Variants in FAM174A observed in about 807,000 individuals in gnomAD.
FAM174A encodes the protein family with sequence similarity 174 member A.
In FAM174A, 14 loss-of-function variants were observed where a neutral mutation model predicts 14.3. The observed-to-expected ratio is 0.98, with a 90% confidence interval of 0.65 to 1.53. FAM174A has a LOEUF of 1.53. Ranked by LOEUF, FAM174A falls within the 40% of genes most tolerant of loss-of-function variation. The pLI, the probability that FAM174A is intolerant of heterozygous loss-of-function variation, is 0.00. For synonymous variants in FAM174A, 108 were observed against 111.4 expected (o/e 0.97, Z 0.19); for missense variants, 241 against 249.6 (o/e 0.97, Z 0.23).
rs1746656980 is a variant in FAM174A at position 100,566,601 on chromosome 5, A to G, written c.569+4413A>G. Among the ~76,000 whole-genome samples the G allele has an allele frequency of 2.6e-5, 4 of 152,020 alleles. No individual in the cohort carries two copies. In the South Asian group the frequency reaches 8.3e-4, roughly 31 times the overall value. On this transcript the variant is annotated intron_variant, in intron 2 of 2. Coordinates refer to ENST00000312637, the MANE Select transcript of FAM174A (RefSeq NM_198507.3). ...TAGATGTTAAGTGTTCTTGATACAC[A>G]CAAAAATATGTTAATCTCAAGAGGT...
At chr5:100,576,995 G>A (rs1002358331) in intron 2 of FAM174A, among the ~76,000 whole-genome samples, 1 of 152,122 alleles carries the variant, frequency 6.6e-6, no homozygotes, top group Admixed American at 6.6e-5. Flanking sequence ...GCAAAATGGA[G>A]ACAAATTCTC....
At chr5:100,552,887 A>G (rs1267843548) in intron 1 of FAM174A, among the ~76,000 whole-genome samples, 1 of 152,126 alleles carries the variant, frequency 6.6e-6, no homozygotes, top group Non-Finnish European at 1.5e-5. Flanking sequence ...ATATAATTCT[A>G]TATGAATAAC....
chr5:100,544,558 G>C (rs529353389), intron 1 of FAM174A, among the ~76,000 whole-genome samples: 1 of 152,316 alleles, frequency 6.6e-6, no homozygotes, highest in East Asian at 1.9e-4. Context: ...GATTAAAAAT[G>C]TGAGGTAGCT....
At chr5:100,541,063 A>T (rs1026475217) in intron 1 of FAM174A, among the ~76,000 whole-genome samples, 1 of 152,214 alleles carries the variant, frequency 6.6e-6, no homozygotes, top group African/African-American at 2.4e-5. Flanking sequence ...TGGACTATGT[A>T]AAGTAGTTTG....
At position 100,552,301 on chromosome 5, in the gene FAM174A, GA is replaced by G. The variant is rs565370431; in HGVS notation, c.435-9746del. On this transcript the variant is annotated intron_variant, in intron 1 of 2. Coordinates refer to ENST00000312637, the MANE Select transcript of FAM174A (RefSeq NM_198507.3). ...TTTACTTTTTTCTAAGAATAGTCAA[GA>G]AAAAAATTTTATTTTAGTTATAGAT... Among the ~76,000 whole-genome samples the G allele has an allele frequency of 2.2e-3, 337 of 152,090 alleles. 1 individual carries two copies. The highest frequency in any genetic ancestry group is 7.6e-3 in the African/African-American group (315 of 41,526).
At chr5:100,541,360 C>T (rs1746047041) in intron 1 of FAM174A, among the ~76,000 whole-genome samples, 1 of 152,146 alleles carries the variant, frequency 6.6e-6, no homozygotes, top group South Asian at 2.1e-4. Flanking sequence ...CATAACATAA[C>T]AAAAACTATT....
intron 1 of FAM174A, among the ~76,000 whole-genome samples, chr5:100,559,648 T>G (rs895500973): frequency 2.0e-5 from 3 of 152,116 alleles, no homozygotes; most frequent in African/African-American, 7.2e-5. Flanking sequence ...TGTTCGTTTC[T>G]TTTTATTCTT....
chr5:100,566,030 C>T (rs995480163), intron 2 of FAM174A, among the ~76,000 whole-genome samples: 23 of 150,596 alleles, frequency 1.5e-4, no homozygotes, highest in African/African-American at 5.6e-4. Flanking sequence ...AATTACCTCC[C>T]ACCAGGTTCC....
intron 1 of FAM174A, among the ~76,000 whole-genome samples, chr5:100,544,668 G>A (rs867038193): frequency 2.0e-5 from 3 of 152,072 alleles, no homozygotes; most frequent in African/African-American, 4.8e-5. Flanking sequence ...GTGCAGAGAA[G>A]TCAGTTTTTT....
chr5:100,563,274 C>T (rs969596476), intron 2 of FAM174A, among the ~76,000 whole-genome samples: 6 of 151,342 alleles, frequency 4.0e-5, no homozygotes, highest in Non-Finnish European at 7.4e-5. Context: ...CAATTAAAGA[C>T]GCATATAAGA....
At chr5:100,554,228 A>T (rs1746317616) in intron 1 of FAM174A, among the ~76,000 whole-genome samples, 1 of 152,114 alleles carries the variant, frequency 6.6e-6, no homozygotes, top group Non-Finnish European at 1.5e-5. Context: ...ACTTTTTAAA[A>T]TCAAACAATT....
chr5:100,568,643 T>C (rs746142023), intron 2 of FAM174A, among the ~76,000 whole-genome samples: 5 of 149,816 alleles, frequency 3.3e-5, no homozygotes, highest in Admixed American at 6.7e-5. Flanking sequence ...TTCAATACTT[T>C]TACTAATTGG....
chr5:100,562,547 A>C (rs920468910), intron 2 of FAM174A, among the ~76,000 whole-genome samples: 8 of 151,234 alleles, frequency 5.3e-5, no homozygotes, highest in African/African-American at 1.9e-4. Context: ...GGACCCATTA[A>C]CTTCTTCATT....
At chr5:100,559,763 G>T (rs541744338) in intron 1 of FAM174A, among the ~76,000 whole-genome samples, 3 of 151,990 alleles carry the variant, frequency 2.0e-5, no homozygotes, top group African/African-American at 7.2e-5. Context: ...TTGTGCATTC[G>T]TCATGTAGTT....
intron 2 of FAM174A, among the ~76,000 whole-genome samples, chr5:100,570,328 C>T (rs1561321640): frequency 6.6e-6 from 1 of 151,854 alleles, no homozygotes; most frequent in Non-Finnish European, 1.5e-5. Context: ...CTTTTTAATT[C>T]AATGGGCAGA....
intron 1 of FAM174A, among the ~76,000 whole-genome samples, chr5:100,558,935 A>C (rs553534585): frequency 6.6e-6 from 1 of 152,168 alleles, no homozygotes; most frequent in East Asian, 1.9e-4. Flanking sequence ...TAGCCCATTT[A>C]CATTTAAGGT....
rs539858247 is a variant in FAM174A, at chr5:100,545,177, A to T, written c.434+9213A>T. On this transcript the variant is annotated intron_variant, in intron 1 of 2. Coordinates refer to ENST00000312637, the MANE Select transcript of FAM174A (RefSeq NM_198507.3). ...TTTATCTTTGGTGAAGACTACATTT[A>T]AAAAATTACTTAGGTTTGATCTTTT... Among the ~76,000 whole-genome samples the T allele has an allele frequency of 2.0e-5, 3 of 152,332 alleles. 1 individual carries two copies. The highest frequency in any genetic ancestry group is 7.2e-5 in the African/African-American group (3 of 41,582).
At chr5:100,552,766 G>A (rs1226207627) in intron 1 of FAM174A, among the ~76,000 whole-genome samples, 5 of 152,002 alleles carry the variant, frequency 3.3e-5, no homozygotes, top group Non-Finnish European at 4.4e-5. Context: ...GAGTGTATTG[G>A]AACATTAAGG....
chr5:100,561,821 A>C (rs1292157747), intron 1 of FAM174A, among the ~76,000 whole-genome samples: 1 of 151,870 alleles, frequency 6.6e-6, no homozygotes, highest in African/African-American at 2.4e-5. Flanking sequence ...CAGTTGACAC[A>C]GAGAGAAGAG....
Sources: allele counts gnomAD v4.1 joint callset (sites outside exome capture counted in the v4.1 genomes callset), GRCh38; gene constraint gnomAD v4.1.1; transcripts MANE v1.5; gene names NCBI Gene and HGNC (gene_info 2026-07-23, HGNC 2026-07-21).